Variants in UFSP2 observed in about 807,000 individuals in gnomAD.
The protein encoded by UFSP2 is UFM1 specific peptidase 2.
Under a neutral mutation model 60.2 loss-of-function variants are expected in UFSP2, and 43 were observed. The ratio of observed to expected loss-of-function variants is 0.71; its 90% CI spans 0.56 to 0.92. The LOEUF (loss-of-function observed/expected upper bound fraction) is 0.92, where lower values mean the gene tolerates loss of function less well. Ranked by LOEUF, UFSP2 falls within the 40% of genes least tolerant of loss-of-function variation. UFSP2 has a pLI of 0.00. For missense variants in UFSP2, 520 were observed against 575.0 expected (o/e 0.90, Z 0.98); for synonymous variants, 183 against 195.1 (o/e 0.94, Z 0.52).
chr4:185,417,870 C>G (rs745375491), intron 4 of UFSP2, among the ~76,000 whole-genome samples: 1 of 152,068 alleles, frequency 6.6e-6, no homozygotes, highest in Non-Finnish European at 1.5e-5. Flanking sequence ...CTGGTAAAAT[C>G]CCATCTCTAC....
Position 185,403,578 on chromosome 4 carries a change from C to G in UFSP2, c.1239G>C (p.Trp413Cys). 1 of 1,614,122 alleles carries G rather than the reference C, an allele frequency of 6.2e-7. No individual in the cohort carries two copies. Among genetic ancestry groups the G allele is most frequent in the Non-Finnish European group, 8.5e-7 (1 of 1,180,036 alleles). The stretch of plus-strand genomic sequence containing the variant: ...ACTTTATCTGCCCTGTAATCTCATT[C>G]CATGCAACTCCTAGTATTGTGTGGG... ...VLAHTILGVAWNEITGQIKFL... is the reference protein window; with the variant it reads ...VLAHTILGVACNEITGQIKFL... The change falls in exon 11 of 12, where the codon TGG becomes TGC. Residue 413 changes from tryptophan (W) to cysteine (C), a missense_variant. Coordinates refer to ENST00000264689, the MANE Select transcript of UFSP2 (RefSeq NM_018359.5).
At position 185,403,528 on chromosome 4, in the gene UFSP2, G is replaced by C. The variant is rs1348535069; in HGVS notation, c.1289C>G (p.Thr430Ser). The C allele has an allele frequency of 1.2e-6, 2 of 1,613,922 alleles. No individual in the cohort carries two copies. Among genetic ancestry groups the C allele is most frequent in the Non-Finnish European group, 1.7e-6 (2 of 1,180,004 alleles). ...IKFLILDPHY[T>S]GAEDLQVILE... ...AATAACTTGCAGGTCTTCAGCACCG[G>C]TATAATGTGGATCTAGAATCAGAAA... The change falls in exon 11 of 12, where the codon ACC becomes AGC. Residue 430 changes from threonine (T) to serine (S), a missense_variant. Coordinates refer to ENST00000264689, the MANE Select transcript of UFSP2 (RefSeq NM_018359.5).
At chr4:185,424,727 T>C (rs1021614395) in intron 1 of UFSP2, among the ~76,000 whole-genome samples, 7 of 152,214 alleles carry the variant, frequency 4.6e-5, no homozygotes, top group Non-Finnish European at 1.0e-4. Flanking sequence ...ATACTGAAGA[T>C]AAAAGTTAGA....
intron 7 of UFSP2, among the ~76,000 whole-genome samples, chr4:185,411,466 T>A (rs1393181670): frequency 6.6e-6 from 1 of 152,268 alleles, no homozygotes; most frequent in South Asian, 2.1e-4. Context: ...AGAAGAAAAT[T>A]ATAAGCCAGT....
intron 11 of UFSP2, 112 bp downstream of exon 11, chr4:185,403,382 A>G: frequency 7.2e-7 from 1 of 1,387,144 alleles, no homozygotes; most frequent in East Asian, 2.4e-5. Context: ...AGGCCTCCAC[A>G]CAGGGAGATC....
Position 185,422,736 on chromosome 4 carries a change from A to C in UFSP2, c.4-173T>G, listed in dbSNP as rs569404489. On this transcript the variant is annotated intron_variant, in intron 1 of 11. Transcript: ENST00000264689. ...AAAACAAAAACAAAAGCAACCCCAAAATTTTAAATCAGGGGTTCTCAACCT... is the reference window on the plus strand; with the variant it reads ...AAAACAAAAACAAAAGCAACCCCAACATTTTAAATCAGGGGTTCTCAACCT... Among the ~76,000 whole-genome samples, 7 of 152,294 alleles carry C rather than the reference A, an allele frequency of 4.6e-5. No homozygotes were observed. The South Asian group carries it at 1.0e-3, about 23-fold the overall frequency.
At chr4:185,402,241 TGAATG>T (rs1183282880) in intron 11 of UFSP2, 1 of 447,194 alleles carries the variant, frequency 2.2e-6, no homozygotes, top group African/African-American at 2.0e-5. Flanking sequence ...TAATAAATAC[TGAATG>T]GAATGAACAC....
Position 185,424,579 on chromosome 4 carries a change from T to C in UFSP2, c.3+1287A>G, listed in dbSNP as rs1278400780. Among the ~76,000 whole-genome samples, 3 of 152,332 alleles carry C rather than the reference T, an allele frequency of 2.0e-5. No individual in the cohort carries two copies. The East Asian group carries it at 5.8e-4, about 29-fold the overall frequency. On this transcript the variant is annotated intron_variant, in intron 1 of 11. Transcript: ENST00000264689. The stretch of plus-strand genomic sequence containing the variant: ...GTTCAGGACAAATTTAGCTTCATGT[T>C]GTCCATTTATTCTACCGTTGTTCAT...
At chr4:185,413,940 A>C in intron 6 of UFSP2, 68 bp from the exon 7 acceptor site, 1 of 1,389,908 alleles carries the variant, frequency 7.2e-7, no homozygotes, top group Admixed American at 2.7e-5. Context: ...TCAATAAATA[A>C]AGATGTTATT....
intron 5 of UFSP2, 128 bp downstream of exon 5, chr4:185,415,582 A>ATT: frequency 2.2e-6 from 2 of 893,090 alleles, no homozygotes; most frequent in Non-Finnish European, 3.3e-6. Flanking sequence ...TTTAATTAAT[A>ATT]GATGGCTCTT....
intron 7 of UFSP2, 139 bp from the exon 8 acceptor site, chr4:185,408,574 A>T: frequency 1.1e-6 from 1 of 874,634 alleles, no homozygotes; most frequent in Non-Finnish European, 1.7e-6. Flanking sequence ...TCACAGATCT[A>T]TGGTTTAACA....
At chr4:185,402,813 T>G (rs2095514906) in intron 11 of UFSP2, among the ~76,000 whole-genome samples, 1 of 152,202 alleles carries the variant, frequency 6.6e-6, no homozygotes, top group Non-Finnish European at 1.5e-5. Flanking sequence ...TTATCTTTAG[T>G]TTATAGTTTA....
At chr4:185,401,123 T>C (rs2095512685) in intron 11 of UFSP2, among the ~76,000 whole-genome samples, 1 of 152,244 alleles carries the variant, frequency 6.6e-6, no homozygotes, top group African/African-American at 2.4e-5. Flanking sequence ...GTCTGTATTA[T>C]ATGATTCTTA....
At chr4:185,403,661 A>T (rs2095515972) in intron 10 of UFSP2, 43 bp from the exon 11 acceptor site, 2 of 1,596,532 alleles carry the variant, frequency 1.3e-6, no homozygotes, top group Non-Finnish European at 1.7e-6. Context: ...GGCATAAACA[A>T]ATGTCAAATG....
chr4:185,405,986 A>AT, intron 9 of UFSP2, 130 bp from the exon 10 acceptor site: 1 of 1,531,248 alleles, frequency 6.5e-7, no homozygotes. Context: ...ATGTAAAAAA[A>AT]TTAAGTGTTA....
rs1363323309 is a variant in UFSP2 at position 185,408,349 on chromosome 4, A to G, written c.918T>C (p.Ser306=). The change falls in exon 8 of 12, where the codon TCT becomes TCC. Residue 306 remains serine, a synonymous_variant. Coordinates refer to ENST00000264689, the MANE Select transcript of UFSP2 (RefSeq NM_018359.5). ...DDNGWGCAYR[S]LQTICSWFKH... The stretch of plus-strand genomic sequence containing the variant: ...TGAACCAAGAGCAGATAGTCTGCAG[A>G]GATCGATAAGCACAGCCCCAGCCAT... 6.2e-7 allele frequency: 1 copy of G among 1,614,198 alleles called. No individual in the cohort carries two copies. Among genetic ancestry groups the G allele is most frequent in the Non-Finnish European group, 8.5e-7 (1 of 1,180,010 alleles).
chr4:185,414,836 A>C (rs2095535559), intron 6 of UFSP2, among the ~76,000 whole-genome samples: 1 of 152,240 alleles, frequency 6.6e-6, no homozygotes, highest in Non-Finnish European at 1.5e-5. Context: ...GAAATCTGTT[A>C]ATACCAGCAA....
chr4:185,424,548 A>C (rs1245961493), intron 1 of UFSP2, among the ~76,000 whole-genome samples: 1 of 152,204 alleles, frequency 6.6e-6, no homozygotes, highest in Non-Finnish European at 1.5e-5. Context: ...GGAAACAATC[A>C]AGAAAGTTCA....
intron 11 of UFSP2, chr4:185,402,319 CT>C (rs1204761687): frequency 4.4e-6 from 2 of 454,612 alleles, no homozygotes; most frequent in African/African-American, 4.0e-5. Flanking sequence ...GTCAAAAAAC[CT>C]TTTATAGACT....
Sources: gnomAD v4.1 joint callset for allele counts (sites outside exome capture counted in the v4.1 genomes callset) on GRCh38, gnomAD v4.1.1 for gene constraint, MANE v1.5 for transcripts, NCBI Gene and HGNC (gene_info 2026-07-23, HGNC 2026-07-21) for gene names.